Variants in CLASP2 observed in about 807,000 individuals in gnomAD.
The protein encoded by CLASP2 is cytoplasmic linker associated protein 2.
A neutral mutation model predicts 194.4 loss-of-function variants in CLASP2; 47 were observed. The ratio of observed to expected loss-of-function variants is 0.24; its 90% CI spans 0.19 to 0.31. The LOEUF (loss-of-function observed/expected upper bound fraction) is 0.31, where lower values mean the gene tolerates loss of function less well. CLASP2 is among the 10% of genes least tolerant of loss of function. The pLI is 1.00. For synonymous variants in CLASP2, 619 were observed against 633.5 expected (o/e 0.98, Z 0.34); for missense variants, 1,445 against 1,823.6 (o/e 0.79, Z 3.78).
At chr3:33,549,751 T>C (rs1300413855) in intron 30 of CLASP2, among the ~76,000 whole-genome samples, 5 of 151,822 alleles carry the variant, frequency 3.3e-5, no homozygotes, top group African/African-American at 1.2e-4. Context: ...TCTTTTTTTT[T>C]TTTTTAAGAT....
chr3:33,654,492 AG>A lies in CLASP2; in HGVS notation c.715+8952del, dbSNP rs149277096. Among the ~76,000 whole-genome samples the A allele has an allele frequency of 2.8e-3, 424 of 152,312 alleles. 2 individuals carry two copies. Among genetic ancestry groups the A allele is most frequent in the African/African-American group, 9.1e-3 (377 of 41,564 alleles). On this transcript the variant is annotated intron_variant, in intron 7 of 38. Coordinates refer to ENST00000682230, the MANE Select transcript of CLASP2 (RefSeq NM_001365631.1). ...AGCGAAGACAAAACATAAAAGACAGAGGATCAACCCAGGAAGTTCAATATCT... is the reference window on the plus strand; with the variant it reads ...AGCGAAGACAAAACATAAAAGACAGAGATCAACCCAGGAAGTTCAATATCT...
chr3:33,704,848 C>T (rs972537616), intron 1 of CLASP2, among the ~76,000 whole-genome samples: 11 of 151,780 alleles, frequency 7.2e-5, no homozygotes, highest in African/African-American at 2.7e-4. Flanking sequence ...CAAATCAAAA[C>T]CACAATAAGA....
At chr3:33,618,399 C>A (rs965081705) in intron 12 of CLASP2, among the ~76,000 whole-genome samples, 39 of 152,128 alleles carry the variant, frequency 2.6e-4, no homozygotes, top group Admixed American at 5.9e-4. Context: ...AATCCCAACA[C>A]TTTGGGAGGC....
At position 33,550,983 on chromosome 3, in the gene CLASP2, AT is replaced by A. The variant is rs575174314; in HGVS notation, c.3153+268del. Among the ~76,000 whole-genome samples, 189 of 152,366 alleles carry A rather than the reference AT, an allele frequency of 1.2e-3. 1 individual carries two copies. Among genetic ancestry groups the A allele is most frequent in the South Asian group, 2.3e-3 (11 of 4,834 alleles). On this transcript the variant is annotated intron_variant, in intron 30 of 38. Coordinates refer to ENST00000682230, the MANE Select transcript of CLASP2 (RefSeq NM_001365631.1). ...GCTCTCATTTGAAATGTATAGGTAA[AT>A]GCAAGGGGAATGATTTGAAATATTC... is the stretch of plus-strand genomic sequence containing the variant.
intron 1 of CLASP2, among the ~76,000 whole-genome samples, chr3:33,708,514 ATGTATATATG>A (rs2092823833): frequency 8.6e-6 from 1 of 115,930 alleles, no homozygotes; most frequent in Admixed American, 9.8e-5. Flanking sequence ...ATGTATATAT[ATGTATATATG>A]TATATATATA....
intron 34 of CLASP2, among the ~76,000 whole-genome samples, chr3:33,532,124 T>C (rs776017651): frequency 1.6e-4 from 24 of 152,180 alleles, no homozygotes; most frequent in South Asian, 6.2e-4. Flanking sequence ...GCAACACAAG[T>C]GTCCATCAGT....
At chr3:33,715,410 C>G (rs2093245392) in intron 1 of CLASP2, among the ~76,000 whole-genome samples, 1 of 152,012 alleles carries the variant, frequency 6.6e-6, no homozygotes, top group South Asian at 2.1e-4. Context: ...TTTTTTTCTC[C>G]AAACCACTTA....
At chr3:33,676,218 C>G (rs2088590076) in intron 6 of CLASP2, among the ~76,000 whole-genome samples, 1 of 150,418 alleles carries the variant, frequency 6.6e-6, no homozygotes, top group Non-Finnish European at 1.5e-5. Flanking sequence ...CAGCATGGTA[C>G]TGGTACCAAA....
At chr3:33,675,920 A>G (rs1335047615) in intron 6 of CLASP2, among the ~76,000 whole-genome samples, 2 of 151,204 alleles carry the variant, frequency 1.3e-5, no homozygotes, top group Non-Finnish European at 2.9e-5. Context: ...ACCACTGCTC[A>G]ATGAAATTAA....
At chr3:33,678,964 C>T (rs181891938) in intron 6 of CLASP2, among the ~76,000 whole-genome samples, 115 of 152,166 alleles carry the variant, frequency 7.6e-4, no homozygotes, top group African/African-American at 2.6e-3. Context: ...ATAGCTAACA[C>T]ATTATTAAAG....
chr3:33,597,429 C>T (rs978554913), intron 18 of CLASP2, among the ~76,000 whole-genome samples: 12 of 152,128 alleles, frequency 7.9e-5, no homozygotes, highest in Non-Finnish European at 1.6e-4. Flanking sequence ...CTCTGGTAAT[C>T]GTTTTGGATC....
At chr3:33,564,216 C>A (rs1186073486) in intron 27 of CLASP2, among the ~76,000 whole-genome samples, 1 of 152,108 alleles carries the variant, frequency 6.6e-6, no homozygotes, top group East Asian at 1.9e-4. Context: ...GCTGAGAACC[C>A]AATAAAAAGT....
At chr3:33,542,376 T>C (rs2058500656) in intron 32 of CLASP2, among the ~76,000 whole-genome samples, 1 of 148,346 alleles carries the variant, frequency 6.7e-6, no homozygotes, top group Non-Finnish European at 1.5e-5. Flanking sequence ...TGTAATGAAT[T>C]ATAATAACTA....
At chr3:33,645,243 G>A (rs553432617) in intron 7 of CLASP2, 82 of 765,006 alleles carry the variant, frequency 1.1e-4, no homozygotes, top group African/African-American at 7.4e-4. Context: ...CTTCTAGCAC[G>A]CCCTGCCTTA....
chr3:33,628,614 C>T (rs1044063345), intron 9 of CLASP2, among the ~76,000 whole-genome samples: 4 of 152,098 alleles, frequency 2.6e-5, no homozygotes, highest in Non-Finnish European at 5.9e-5. Flanking sequence ...ATTCCAATTT[C>T]AAACAGGATA....
chr3:33,606,707 A>AT lies in CLASP2; in HGVS notation c.1577dup (p.Tyr526Ter). The AT allele has an allele frequency of 6.2e-7, 1 of 1,613,412 alleles. No homozygotes were observed. Among genetic ancestry groups the AT allele is most frequent in the Non-Finnish European group, 8.5e-7 (1 of 1,179,478 alleles). ...NHFPGEAETL[Y>*]NSLEPSYQKS... ...TCTGATAAGATGGCTCAAGGGAATT[A>AT]TATAATGTTTCAGCTTCACCAGGAA... is the stretch of plus-strand genomic sequence containing the variant. Residue 526 changes from tyrosine (Y) to a stop codon, truncating the protein, a stop_gained and frameshift_variant, in exon 16 of 39, where the codon TAT (tyrosine) becomes TAAT (stop). Transcript: ENST00000682230. LOFTEE classifies it high-confidence loss of function.
intron 21 of CLASP2, among the ~76,000 whole-genome samples, chr3:33,589,971 T>C (rs1485698977): frequency 6.6e-6 from 1 of 152,156 alleles, no homozygotes; most frequent in Non-Finnish European, 1.5e-5. Flanking sequence ...CATTGTTTAT[T>C]TCTCTGTTTA....
chr3:33,644,801 T>C lies in CLASP2; in HGVS notation c.818A>G (p.Asn273Ser), dbSNP rs2082000954. 1.2e-6 allele frequency: 2 copies of C among 1,613,242 alleles called. No homozygotes were observed. The highest frequency in any genetic ancestry group is 1.7e-6 in the Non-Finnish European group (2 of 1,179,666). Residue 273 changes from asparagine to serine, a missense_variant, in exon 8 of 39, where the codon AAC becomes AGC. Asn to Ser is a conservative substitution (Grantham distance 46). This residue lies in a region of CLASP2 where 207 missense variants were observed against 331.4 expected (regional missense o/e 0.62). Transcript: ENST00000682230. ...PAPKTSGNPA[N>S]SARKPGSAGG... Reference sequence around the variant, plus strand: ...TGCTGAACCAGGCTTCCTTGCACTGTTGGCAGGATTTCCGGATGTTTTAGG... The same window carrying C: ...TGCTGAACCAGGCTTCCTTGCACTGCTGGCAGGATTTCCGGATGTTTTAGG...
rs2093369186 is a variant in CLASP2, at chr3:33,717,851, G to A, written c.152C>T (p.Thr51Ile). ...LEEDLGRLGK[T>I]VDALTGWVGS... Reference sequence around the variant, plus strand: ...CACCCAGCCGGTGAGCGCGTCGACTGTCTTGCCTAGGCGGCCCAGGTCCTC... The same window carrying A: ...CACCCAGCCGGTGAGCGCGTCGACTATCTTGCCTAGGCGGCCCAGGTCCTC... Residue 51 changes from threonine to isoleucine, a missense_variant, in exon 1 of 39, where the codon ACA becomes ATA. By Grantham distance (89) the Thr-to-Ile change is moderately conservative. Around this residue, in one of 4 missense-constraint regions of CLASP2, gnomAD observed 332 missense variants for 325.3 expected, o/e 1.02. Transcript: ENST00000682230. 1.1e-5 allele frequency: 17 copies of A among 1,565,324 alleles called. No individual in the cohort carries two copies. Among genetic ancestry groups the A allele is most frequent in the Non-Finnish European group, 1.4e-5 (16 of 1,155,640 alleles).
Sources: gnomAD v4.1 joint callset for allele counts (sites outside exome capture counted in the v4.1 genomes callset) on GRCh38, gnomAD v4.1.1 for gene constraint, gnomAD v4.1.1 regional missense constraint, MANE v1.5 for transcripts, NCBI Gene and HGNC (gene_info 2026-07-23, HGNC 2026-07-21) for gene names.